The following SEC16B variants were observed in gnomAD, a reference collection of about 807,000 sequenced individuals.
SEC16B encodes protein transport protein Sec16B.
In SEC16B, 115 loss-of-function variants were observed where a neutral mutation model predicts 141.8. That is an observed-to-expected ratio of 0.81 (90% CI 0.70 to 0.95). SEC16B has a LOEUF of 0.95. Among genes scored for constraint, SEC16B ranks in the 40% least tolerant of loss-of-function variants. SEC16B has a pLI of 0.00. For missense variants in SEC16B, 1,291 were observed against 1,312.3 expected (o/e 0.98, Z 0.25); for synonymous variants, 493 against 492.5 (o/e 1.00, Z -0.01).
chr1:177,972,476 T>C (rs1654000084), upstream of SEC16B, among the ~76,000 whole-genome samples: 1 of 152,198 alleles, frequency 6.6e-6, no homozygotes, highest in African/African-American at 2.4e-5. Context: ...CCCCAAGTCC[T>C]GGCTGCAGTG....
chr1:177,978,737 A>T (rs1188255093), intron 1 of SEC16B, among the ~76,000 whole-genome samples: 2 of 144,446 alleles, frequency 1.4e-5, no homozygotes, highest in East Asian at 4.9e-4. Flanking sequence ...ATAAATAAAT[A>T]AATAAATAGC....
chr1:177,975,131 G>A (rs1654118835), upstream of SEC16B, among the ~76,000 whole-genome samples: 1 of 152,186 alleles, frequency 6.6e-6, no homozygotes, highest in South Asian at 2.1e-4. Context: ...GAATATAGGA[G>A]TGGGCTTTAA....
chr1:177,977,558 C>T (rs528885725), intron 1 of SEC16B, among the ~76,000 whole-genome samples: 1 of 152,228 alleles, frequency 6.6e-6, no homozygotes, highest in South Asian at 2.1e-4. Flanking sequence ...GAAACACAAC[C>T]CAGTATTTTA....
At chr1:177,969,587 G>A (rs1653817677) in intron 1 of SEC16B, among the ~76,000 whole-genome samples, 1 of 152,184 alleles carries the variant, frequency 6.6e-6, no homozygotes, top group African/African-American at 2.4e-5. Flanking sequence ...AGTCTCATTA[G>A]GCAGCCCTTT....
rs766712180 is a variant in SEC16B at position 177,932,797 on chromosome 1, T to C, written c.2833A>G (p.Arg945Gly). 1.2e-6 allele frequency: 2 copies of C among 1,611,352 alleles called. No individual in the cohort carries two copies. Among genetic ancestry groups the C allele is most frequent in the South Asian group, 1.1e-5 (1 of 90,218 alleles). Residue 945 changes from arginine (R) to glycine (G), a missense_variant, in exon 23 of 26, where the codon AGA (arginine) becomes GGA (glycine). Physicochemically the swap from Arg to Gly is moderately radical, Grantham distance 125. This residue lies in a region of SEC16B where 605 missense variants were observed against 614.1 expected (regional missense o/e 0.99). Transcript: ENST00000308284. The part of the protein sequence containing the change: ...SDSPDSEETP[R>G]ASSPHQAGLG... ...CCAGCCTGGTGGGGAGAAGATGCTC[T>C]GGGGGTCTCCTGCTTTGTGGAGAAA...
intron 14 of SEC16B, chr1:177,945,633 G>C (rs1413199966): frequency 1.3e-5 from 2 of 152,260 alleles, no homozygotes; most frequent in Non-Finnish European, 2.9e-5. Flanking sequence ...TCTGAGACAA[G>C]TTATTTCATC....
chr1:177,957,721 G>T (rs1357329376), intron 10 of SEC16B, among the ~76,000 whole-genome samples: 1 of 152,046 alleles, frequency 6.6e-6, no homozygotes, highest in African/African-American at 2.4e-5. Flanking sequence ...ATGGACTATA[G>T]TTCCCCTTTT....
intron 21 of SEC16B, 33 bp from the exon 22 acceptor site, chr1:177,933,345 A>G: frequency 6.4e-7 from 1 of 1,571,560 alleles, no homozygotes; most frequent in East Asian, 2.3e-5. Context: ...TATGACCTGC[A>G]GGTTGGCTTC....
intron 1 of SEC16B, among the ~76,000 whole-genome samples, chr1:177,983,481 C>T (rs1290774063): frequency 1.3e-5 from 2 of 151,452 alleles, no homozygotes; most frequent in African/African-American, 4.9e-5. Context: ...GTTGGTCACT[C>T]AGGTTTTATG....
At position 177,958,151 on chromosome 1, in the gene SEC16B, A is replaced by G; in HGVS notation, c.1346T>C (p.Leu449Pro). Residue 449 changes from leucine to proline, a missense_variant, in exon 10 of 26, where the codon CTC becomes CCC. Leu to Pro is a moderately conservative substitution (Grantham distance 98, BLOSUM62 -3). Coordinates refer to ENST00000308284, the MANE Select transcript of SEC16B (RefSeq NM_033127.4). ...AQIVEKFTRL[L>P]YYGRKKEALE... ...ACTTGCCTTCTTCCTTCCATAGTAGAGCAGCCTAGTGAATTTCTCCACGAT... is the reference window on the plus strand; with the variant it reads ...ACTTGCCTTCTTCCTTCCATAGTAGGGCAGCCTAGTGAATTTCTCCACGAT... The G allele has an allele frequency of 3.3e-6, 5 of 1,534,764 alleles. No individual in the cohort carries two copies. Among genetic ancestry groups the G allele is most frequent in the Non-Finnish European group, 4.4e-6 (5 of 1,136,944 alleles).
Position 177,929,550 on chromosome 1 carries a change from C to G in SEC16B, c.*308G>C. ...TCTAGCTGTTAGGGCCCTAATTTCC[C>G]CAAGGCTCTCAAGCCACCACCATAA... On this transcript the variant is annotated 3_prime_UTR_variant, in exon 26 of 26. Coordinates refer to ENST00000308284, the MANE Select transcript of SEC16B (RefSeq NM_033127.4). 1 of 359,474 alleles carries G rather than the reference C, an allele frequency of 2.8e-6. No individual in the cohort carries two copies. The highest frequency in any genetic ancestry group is 5.2e-6 in the Non-Finnish European group (1 of 193,398). 22.3% of individuals were successfully genotyped at this position (359,474 alleles called of 1,614,324 possible).
intron 12 of SEC16B, among the ~76,000 whole-genome samples, chr1:177,951,294 A>G (rs939672331): frequency 3.3e-5 from 5 of 152,224 alleles, no homozygotes; most frequent in Non-Finnish European, 5.9e-5. Context: ...CGATCCAGAC[A>G]GTCAACACCA....
chr1:177,980,369 C>T (rs982969005), intron 1 of SEC16B, among the ~76,000 whole-genome samples: 1 of 151,990 alleles, frequency 6.6e-6, no homozygotes, highest in African/African-American at 2.4e-5. Flanking sequence ...TAAACGAAGA[C>T]TTTCATTTAT....
chr1:177,955,685 A>C (rs1442933304), intron 10 of SEC16B, among the ~76,000 whole-genome samples: 1 of 152,198 alleles, frequency 6.6e-6, no homozygotes, highest in Non-Finnish European at 1.5e-5. Context: ...AGTTTGAAAC[A>C]CACTGTGGTG....
At chr1:177,955,929 TAG>T (rs1652565752) in intron 10 of SEC16B, among the ~76,000 whole-genome samples, 1 of 152,232 alleles carries the variant, frequency 6.6e-6, no homozygotes, top group African/African-American at 2.4e-5. Flanking sequence ...TGTCAAGCTA[TAG>T]GGGGTTTAGT....
chr1:177,982,042 GAAGGCAAAGTCAGAACAGCATCA>G (rs569539531), intron 1 of SEC16B, among the ~76,000 whole-genome samples: 15 of 152,312 alleles, frequency 9.8e-5, no homozygotes, highest in African/African-American at 3.4e-4. Context: ...TGAAGACTAA[GAAGGCAAAGTCAGAACAGCATCA>G]AAGGCAACCA....
intron 14 of SEC16B, 194 bp downstream of exon 14, chr1:177,946,226 C>T (rs375663955): frequency 1.2e-5 from 8 of 643,886 alleles, no homozygotes; most frequent in Admixed American, 1.2e-4. Flanking sequence ...CTGAGGCCCC[C>T]GCCAATGCTG....
intron 22 of SEC16B, 108 bp downstream of exon 22, chr1:177,933,106 T>C (rs746805836): frequency 6.6e-5 from 56 of 842,570 alleles, no homozygotes; most frequent in Non-Finnish European, 9.8e-5. Context: ...CTGTCTCATG[T>C]GGCCTGGGGT....
chr1:177,930,054 C>A, intron 25 of SEC16B, 125 bp from the exon 26 acceptor site: 1 of 882,102 alleles, frequency 1.1e-6, no homozygotes, highest in South Asian at 1.7e-5. Context: ...AGGTTGTGTT[C>A]TAATTGCGTA....
Sources: gnomAD v4.1 joint callset for allele counts (sites outside exome capture counted in the v4.1 genomes callset) on GRCh38, gnomAD v4.1.1 for gene constraint, gnomAD v4.1.1 regional missense constraint, MANE v1.5 for transcripts, NCBI Gene and HGNC (gene_info 2026-07-23, HGNC 2026-07-21) for gene names.